CELF2: variants seen among roughly 807,000 people sequenced by gnomAD.
The protein encoded by CELF2 is CUG triplet repeat RNA-binding protein 2.
A neutral mutation model predicts 62.6 loss-of-function variants in CELF2; 8 were observed. The observed-to-expected ratio is 0.13, with a 90% CI of 0.07 to 0.23. The LOEUF (loss-of-function observed/expected upper bound fraction) is 0.23. Ranked by LOEUF, CELF2 falls within the 10% of genes least tolerant of loss-of-function variation. The pLI, the probability that CELF2 is intolerant of heterozygous loss-of-function variation, is 1.00. For missense variants in CELF2, 333 were observed against 671.0 expected, an observed-to-expected ratio of 0.50 and a Z score of 5.56; for synonymous variants, 258 against 250.0, an observed-to-expected ratio of 1.03 and a Z score of -0.30.
intron 2 of CELF2, among the ~76,000 whole-genome samples, chr10:10,969,636 T>G (rs2050542394): frequency 6.6e-6 from 1 of 152,154 alleles, no homozygotes; most frequent in African/African-American, 2.4e-5. Context: ...ACACTTATTA[T>G]TCAGGCACTA....
chr10:10,623,602 TAG>T, the CELF2 span, among the ~76,000 whole-genome samples: 1 of 151,964 alleles, frequency 6.6e-6, no homozygotes, highest in Admixed American at 6.6e-5. Context: ...TTCCAGTACT[TAG>T]GGGAAAGGAT....
At chr10:11,173,228 G>A (rs1274095799) in intron 2 of CELF2, among the ~76,000 whole-genome samples, 2 of 152,190 alleles carry the variant, frequency 1.3e-5, no homozygotes, top group Non-Finnish European at 2.9e-5. Flanking sequence ...CTTTGGAGGG[G>A]ACAAGTCCAG....
At chr10:11,212,620 C>T (rs1360036235) in intron 2 of CELF2, among the ~76,000 whole-genome samples, 2 of 152,136 alleles carry the variant, frequency 1.3e-5, no homozygotes, top group East Asian at 3.8e-4. Context: ...GCTCACCTCT[C>T]CCGAGTTTTC....
chr10:10,749,127 G>C, the CELF2 span, among the ~76,000 whole-genome samples: 1 of 152,182 alleles, frequency 6.6e-6, no homozygotes, highest in South Asian at 2.1e-4. Flanking sequence ...CAAGAAAACA[G>C]AGTGAAATGT....
At position 11,330,216 on chromosome 10, in the gene CELF2, C is replaced by G. The variant is rs1300419451; in HGVS notation, c.*1163C>G. 1 of 152,596 alleles carries G rather than the reference C, an allele frequency of 6.6e-6. No individual in the cohort carries two copies. Among genetic ancestry groups the G allele is most frequent in the Non-Finnish European group, 1.5e-5 (1 of 68,050 alleles). The allele number at this position is 152,596 out of a possible 1,614,324, so 9.5% of individuals were successfully genotyped here. A position where few individuals can be genotyped will look rare whatever the true frequency, so the allele number is the denominator to read the frequency against. ...ATTTGTTGAAACTGGACCTTCTCCC[C>G]CTGTCCCTCACCCCAAAACACCCGG... On this transcript the variant is annotated 3_prime_UTR_variant, in exon 13 of 13. Transcript: ENST00000633077. This position sits in a 1 kb window ranked among gnomAD's most constrained non-coding sequence, Gnocchi z 4.5.
At chr10:10,562,495 G>A in the CELF2 span, among the ~76,000 whole-genome samples, 1 of 152,112 alleles carries the variant, frequency 6.6e-6, no homozygotes, top group African/African-American at 2.4e-5. Context: ...TGAGAGTGAA[G>A]CATGAAGAGG....
the CELF2 span, among the ~76,000 whole-genome samples, chr10:10,696,230 T>C: frequency 2.5e-3 from 372 of 149,988 alleles, 3 homozygotes; most frequent in Middle Eastern, 7.1e-3. Context: ...CAGACAGGAC[T>C]CTCAGCTGGA....
chr10:11,016,798 C>T (rs982798713), upstream of CELF2, among the ~76,000 whole-genome samples: 6 of 152,090 alleles, frequency 3.9e-5, no homozygotes, highest in African/African-American at 7.2e-5. The surrounding 1 kb of genome is among the most constrained non-coding windows in gnomAD (Gnocchi z 5.2). Context: ...TGTGTGTGTG[C>T]GTGTATGTTT....
intron 1 of CELF2, among the ~76,000 whole-genome samples, chr10:11,080,860 T>G (rs181308759): frequency 2.0e-5 from 3 of 152,328 alleles, no homozygotes; most frequent in South Asian, 2.1e-4. Flanking sequence ...TTGATCCACG[T>G]CTGTTGTCAT....
At chr10:10,986,201 C>G (rs1327547612) in intron 2 of CELF2, among the ~76,000 whole-genome samples, 1 of 151,992 alleles carries the variant, frequency 6.6e-6, no homozygotes, top group Admixed American at 6.6e-5. Context: ...AAGGTATATT[C>G]TCTGTATTTC....
At position 11,110,087 on chromosome 10, in the gene CELF2, C is replaced by T. The variant is rs1274945467; in HGVS notation, c.75-55399C>T. Reference sequence around the variant, plus strand: ...CAGCTTGGGCAACATAGCAAGACCTCATTGCTACTAAAAATTTTTAAAAAT... The same window carrying T: ...CAGCTTGGGCAACATAGCAAGACCTTATTGCTACTAAAAATTTTTAAAAAT... On this transcript the variant is annotated intron_variant, in intron 1 of 12. Transcript: ENST00000633077. The surrounding 1 kb of genome is among the most constrained non-coding windows in gnomAD (Gnocchi z 4.0). Among the ~76,000 whole-genome samples the T allele has an allele frequency of 1.3e-5, 2 of 152,000 alleles. No homozygotes were observed. The highest frequency in any genetic ancestry group is 4.8e-5 in the African/African-American group (2 of 41,346).
chr10:10,700,142 G>A, the CELF2 span, among the ~76,000 whole-genome samples: 1 of 152,184 alleles, frequency 6.6e-6, no homozygotes, highest in Non-Finnish European at 1.5e-5. Context: ...AACTCTGTGT[G>A]TCCATTGCAT....
At chr10:10,517,604 A>C in the CELF2 span, among the ~76,000 whole-genome samples, 1 of 152,200 alleles carries the variant, frequency 6.6e-6, no homozygotes, top group African/African-American at 2.4e-5. Flanking sequence ...CACTGGAGAC[A>C]TCTGCCCAGG....
chr10:10,791,332 A>AC, the CELF2 span, among the ~76,000 whole-genome samples: 6 of 151,872 alleles, frequency 4.0e-5, no homozygotes, highest in African/African-American at 1.5e-4. Flanking sequence ...AAAAAAAAAA[A>AC]ATAGGGATTC....
chr10:11,098,157 G>A lies in CELF2; in HGVS notation c.75-67329G>A, dbSNP rs1219960732. 1 of 152,464 alleles carries A rather than the reference G, an allele frequency of 6.6e-6. No homozygotes were observed. Among genetic ancestry groups the A allele is most frequent in the Non-Finnish European group, 1.5e-5 (1 of 68,214 alleles). 9.4% of individuals were successfully genotyped at this position (152,464 alleles called of 1,614,324 possible). On this transcript the variant is annotated intron_variant, in intron 1 of 12. Coordinates refer to ENST00000633077, the MANE Select transcript of CELF2 (RefSeq NM_001326342.2). This position sits in a 1 kb window ranked among gnomAD's most constrained non-coding sequence, Gnocchi z 4.0. ...ATGTTGTGTGTGTGAAGGATGAGGT[G>A]TGTTTCGTATGCCCATATTTTGGAT...
rs2096104126 is a variant in CELF2, at chr10:11,335,552, T to C, written c.*6499T>C. ...CCCTCCCCGGGGCTGGCCGCCTCAGTGATGGTGATGCCACCAGCTCCAGCC... is the reference window on the plus strand; with the variant it reads ...CCCTCCCCGGGGCTGGCCGCCTCAGCGATGGTGATGCCACCAGCTCCAGCC... On this transcript the variant is annotated 3_prime_UTR_variant, in exon 13 of 13. Coordinates refer to ENST00000633077, the MANE Select transcript of CELF2 (RefSeq NM_001326342.2). This position sits in a 1 kb window ranked among gnomAD's most constrained non-coding sequence, Gnocchi z 5.0. 2 of 152,250 alleles carry C rather than the reference T, an allele frequency of 1.3e-5. No individual in the cohort carries two copies. The highest frequency in any genetic ancestry group is 1.3e-4 in the Admixed American group (2 of 15,280). 9.4% of individuals were successfully genotyped at this position (152,250 alleles called of 1,614,324 possible).
the CELF2 span, among the ~76,000 whole-genome samples, chr10:10,556,429 T>C: frequency 6.6e-6 from 1 of 152,218 alleles, no homozygotes; most frequent in Non-Finnish European, 1.5e-5. Context: ...ATCCAGTCTA[T>C]CATTCTTGGA....
chr10:10,583,384 C>A, the CELF2 span, among the ~76,000 whole-genome samples: 1 of 152,130 alleles, frequency 6.6e-6, no homozygotes, highest in Non-Finnish European at 1.5e-5. Context: ...TGTCCATGAG[C>A]CCCATGGGGA....
At chr10:10,901,404 T>G (rs984242848) in intron 1 of CELF2, among the ~76,000 whole-genome samples, 10 of 152,154 alleles carry the variant, frequency 6.6e-5, no homozygotes, top group Admixed American at 1.3e-4. Context: ...CCCACAAAGG[T>G]GCAAAATCAA....
Sources: allele counts gnomAD v4.1 joint callset (sites outside exome capture counted in the v4.1 genomes callset), GRCh38; gene constraint gnomAD v4.1.1; non-coding constraint Gnocchi (gnomAD v3.1); transcripts MANE v1.5; gene names NCBI Gene and HGNC (gene_info 2026-07-23, HGNC 2026-07-21).